Variants in NKPD1 observed in about 807,000 individuals in gnomAD.
NKPD1 encodes the protein NTPase KAP family P-loop domain containing 1.
NKPD1 carries 37 observed loss-of-function variants against 42.2 expected under a neutral mutation model. The ratio of observed to expected loss-of-function variants is 0.88; its 90% confidence interval spans 0.67 to 1.15. The LOEUF (loss-of-function observed/expected upper bound fraction) is 1.15, where lower values mean the gene tolerates loss of function less well. Among genes scored for constraint, NKPD1 ranks in the 50% most tolerant of loss-of-function variants. The pLI, the probability that NKPD1 is intolerant of heterozygous loss-of-function variation, is 0.00. For synonymous variants in NKPD1, 552 were observed against 536.5 expected (o/e 1.03, Z -0.40); for missense variants, 1,113 against 1,174.6 (o/e 0.95, Z 0.77).
upstream of NKPD1, among the ~76,000 whole-genome samples, chr19:45,161,400 C>G (rs1316592125): frequency 6.6e-6 from 1 of 152,210 alleles, no homozygotes; most frequent in Non-Finnish European, 1.5e-5. Context: ...GCCTGGCGCA[C>G]CTGACCCGGG....
At position 45,152,782 on chromosome 19, in the gene NKPD1, A is replaced by C; in HGVS notation, c.1655T>G (p.Leu552Trp). The change falls in exon 5 of 5, where the codon TTG becomes TGG. Residue 552 changes from leucine to tryptophan, a missense_variant. Physicochemically the swap from Leu to Trp is moderately conservative, Grantham distance 61. Transcript: ENST00000686631. ...HDAVQSRDDL[L>W]YREMTRKPWL... is the part of the protein sequence containing the mutation. ...CGGCTTGCGCGTCATCTCGCGGTAC[A>C]ACAGGTCGTCGCGGCTCTGCACCGC... The C allele has an allele frequency of 6.2e-7, 1 of 1,602,126 alleles. No individual in the cohort carries two copies. Among genetic ancestry groups the C allele is most frequent in the Non-Finnish European group, 8.5e-7 (1 of 1,175,338 alleles).
At chr19:45,162,482 C>T (rs1969026544), upstream of NKPD1, among the ~76,000 whole-genome samples, 3 of 152,172 alleles carry the variant, frequency 2.0e-5, no homozygotes, top group African/African-American at 7.2e-5. Flanking sequence ...CCAGGAGTCC[C>T]CAGATGCTAC....
At position 45,152,056 on chromosome 19, in the gene NKPD1, C is replaced by A. The variant is rs374022307; in HGVS notation, c.2381G>T (p.Arg794Leu). 119 of 1,608,290 alleles carry A rather than the reference C, an allele frequency of 7.4e-5. No homozygotes were observed. Among genetic ancestry groups the A allele is most frequent in the Non-Finnish European group, 9.5e-5 (112 of 1,177,992 alleles). Residue 794 changes from arginine to leucine, a missense_variant, in exon 5 of 5, where the codon CGT becomes CTT. Arg to Leu is a moderately radical substitution (Grantham distance 102, BLOSUM62 -2). Transcript: ENST00000686631. ...NSASRAPPSG[R>L]ASGQAGEGHH... ...GCCTTCGCCGGCTTGCCCTGAGGCA[C>A]GGCCCGACGGGGGCGCCCTGGAGGC... is the stretch of plus-strand genomic sequence containing the variant.
chr19:45,159,102 TGGAA>T lies in NKPD1; in HGVS notation c.92-6_92-3del, dbSNP rs915463476. On this transcript the variant is annotated splice_region_variant and splice_polypyrimidine_tract_variant and intron_variant, in intron 2 of 4. Transcript: ENST00000686631. The stretch of plus-strand genomic sequence containing the variant: ...CCTGGCGCCACTGATGACAGCATCC[TGGAA>T]GGAAGGAAGTGGGGGTGACTGGGCC... 1.2e-5 allele frequency: 15 copies of T among 1,277,054 alleles called. No individual in the cohort carries two copies. Among genetic ancestry groups the T allele is most frequent in the Middle Eastern group, 2.2e-4 (1 of 4,540 alleles). 79.1% of individuals were successfully genotyped at this position (1,277,054 alleles called of 1,614,324 possible).
chr19:45,153,383 C>T lies in NKPD1; in HGVS notation c.1054G>A (p.Gly352Ser), dbSNP rs1465022751. 4.5e-6 allele frequency: 7 copies of T among 1,559,874 alleles called. No individual in the cohort carries two copies. The African/African-American group carries it at 9.5e-5, about 21-fold the overall frequency. Residue 352 changes from glycine (G) to serine (S), a missense_variant, in exon 5 of 5, where the codon GGC becomes AGC. Gly to Ser is a moderately conservative substitution (Grantham distance 56). Around this residue, in one of 3 missense-constraint regions of NKPD1, gnomAD observed 867 missense variants for 870.1 expected, o/e 1.00. Coordinates refer to ENST00000686631, the MANE Select transcript of NKPD1 (RefSeq NM_198478.4). ...AAGTAGAGCAGCCCCACACCCAGGC[C>T]CAGCGCCGCCAGCAGCGCCAGCAGC... ...LGLLALLAAL[G>S]LGVGLLYLSL...
At chr19:45,160,365 G>T (rs918626502) in intron 1 of NKPD1, among the ~76,000 whole-genome samples, 144 bp from the exon 2 acceptor site, 1 of 152,178 alleles carries the variant, frequency 6.6e-6, no homozygotes, top group East Asian at 1.9e-4. Flanking sequence ...TACAGTGAGG[G>T]GCAGGATAAG....
chr19:45,154,828 C>T (rs981223157), intron 4 of NKPD1, among the ~76,000 whole-genome samples: 1 of 152,050 alleles, frequency 6.6e-6, no homozygotes, highest in Non-Finnish European at 1.5e-5. Context: ...AGTTCAAGAC[C>T]AGCCTGGCCA....
rs1047604047 is a variant in NKPD1, at chr19:45,152,114, C to G, written c.2323G>C (p.Asp775His). ...GCCCGGTGGGCAGCGTGGGGGGTATCGCGGGTAGGGGACTTGGGCGGGCTG... is the reference window on the plus strand; with the variant it reads ...GCCCGGTGGGCAGCGTGGGGGGTATGGCGGGTAGGGGACTTGGGCGGGCTG... ...PPSPPKSPTR[D>H]TPHAAHRANS... Residue 775 changes from aspartate (D) to histidine (H), a missense_variant, in exon 5 of 5, where the codon GAT becomes CAT. Physicochemically the swap from Asp to His is moderately conservative, Grantham distance 81. This residue lies in a region of NKPD1 where 867 missense variants were observed against 870.1 expected (regional missense o/e 1.00). Coordinates refer to ENST00000686631, the MANE Select transcript of NKPD1 (RefSeq NM_198478.4). 1 of 1,604,506 alleles carries G rather than the reference C, an allele frequency of 6.2e-7. No individual in the cohort carries two copies. The highest frequency in any genetic ancestry group is 1.1e-5 in the South Asian group (1 of 90,286).
At position 45,152,879 on chromosome 19, in the gene NKPD1, T is replaced by G; in HGVS notation, c.1558A>C (p.Asn520His). Residue 520 changes from asparagine (N) to histidine (H), a missense_variant, in exon 5 of 5, where the codon AAC becomes CAC. Physicochemically the swap from Asn to His is moderately conservative, Grantham distance 68. Coordinates refer to ENST00000686631, the MANE Select transcript of NKPD1 (RefSeq NM_198478.4). ...GAGAAGGGCAGCGTGACAGTGCGGT[T>G]GAGGAAGAGGTAGCCGTTATCGGCC... ...GTADNGYLFLNRTVTLPFSVP... is the reference protein window; with the variant it reads ...GTADNGYLFLHRTVTLPFSVP... 1 of 1,586,746 alleles carries G rather than the reference T, an allele frequency of 6.3e-7. No homozygotes were observed. The highest frequency in any genetic ancestry group is 8.6e-7 in the Non-Finnish European group (1 of 1,163,634).
In NKPD1 at chr19:45,152,133, C is replaced by T. The variant is rs576526130; in HGVS notation, c.2304G>A (p.Pro768=). Residue 768 remains proline, a synonymous_variant, in exon 5 of 5, where the codon CCG becomes CCA. Transcript: ENST00000686631. ...GGGTATCGCGGGTAGGGGACTTGGG[C>T]GGGCTGGGCGGCTTGAGCGCGCTGA... The part of the protein sequence containing the change: ...RAVSALKPPS[P]PKSPTRDTPH... 2.8e-5 allele frequency: 45 copies of T among 1,601,048 alleles called. No homozygotes were observed. The East Asian group carries it at 9.4e-4, about 34-fold the overall frequency.
intron 4 of NKPD1, 134 bp downstream of exon 4, chr19:45,155,651 A>C (rs1215444864): frequency 1.2e-6 from 1 of 849,672 alleles, no homozygotes; most frequent in African/African-American, 1.9e-5. Context: ...GGGTAGAGGC[A>C]TGGGCTTGGG....
intron 3 of NKPD1, among the ~76,000 whole-genome samples, chr19:45,157,196 T>C (rs2122792887): frequency 6.6e-6 from 1 of 152,328 alleles, no homozygotes; most frequent in Non-Finnish European, 1.5e-5. Flanking sequence ...CCCATTCTCC[T>C]GGAGATCCTG....
At position 45,152,431 on chromosome 19, in the gene NKPD1, C is replaced by T; in HGVS notation, c.2006G>A (p.Trp669Ter). ...CCGGTCCTCCAGGCACTGCAGCGCCCAGCTCAGGCGGCACGGCCACTGGTT... is the reference window on the plus strand; with the variant it reads ...CCGGTCCTCCAGGCACTGCAGCGCCTAGCTCAGGCGGCACGGCCACTGGTT... ...LANQWPCRLS[W>*]ALQCLEDRQQ... The change falls in exon 5 of 5, where the codon TGG (tryptophan) becomes TAG (stop). Residue 669 changes from tryptophan (W) to a stop codon, truncating the protein, a stop_gained. Coordinates refer to ENST00000686631, the MANE Select transcript of NKPD1 (RefSeq NM_198478.4). LOFTEE classifies it low-confidence loss of function (END_TRUNC). 1 of 1,564,990 alleles carries T rather than the reference C, an allele frequency of 6.4e-7. No individual in the cohort carries two copies. The highest frequency in any genetic ancestry group is 8.6e-7 in the Non-Finnish European group (1 of 1,158,314).
At chr19:45,161,824 G>A (rs957714789), upstream of NKPD1, among the ~76,000 whole-genome samples, 1 of 152,222 alleles carries the variant, frequency 6.6e-6, no homozygotes, top group Admixed American at 6.5e-5. Context: ...GGGGTCAACA[G>A]TTGCTTCCCT....
At position 45,151,685 on chromosome 19, in the gene NKPD1, C is replaced by G; in HGVS notation, c.*253G>C. ...AGGATGCGGAGAGCAACTCCGGGCTCTCAACACCTCCATTTATTGCATGTA... is the reference window on the plus strand; with the variant it reads ...AGGATGCGGAGAGCAACTCCGGGCTGTCAACACCTCCATTTATTGCATGTA... On this transcript the variant is annotated 3_prime_UTR_variant, in exon 5 of 5. Coordinates refer to ENST00000686631, the MANE Select transcript of NKPD1 (RefSeq NM_198478.4). The G allele has an allele frequency of 4.4e-6, 2 of 454,240 alleles. No individual in the cohort carries two copies. The highest frequency in any genetic ancestry group is 7.7e-6 in the Non-Finnish European group (2 of 259,124). The allele number at this position is 454,240 out of a possible 1,614,324, so 28.1% of individuals were successfully genotyped here. A position where few individuals can be genotyped will look rare whatever the true frequency, so the allele number is the denominator to read the frequency against.
Position 45,153,774 on chromosome 19 carries a change from C to T in NKPD1, c.663G>A (p.Ala221=), listed in dbSNP as rs1441101752. ...GCTGCGCGGCCTCCTGCTGCATCAG[C>T]GCTGCGGGAAGGGAGCCCGGGAGCC... ...RLHMMLDKIT[A]LMQQEAAQRE... Residue 221 remains alanine (A), a splice_region_variant and synonymous_variant, in exon 5 of 5, where the codon GCG becomes GCA. Coordinates refer to ENST00000686631, the MANE Select transcript of NKPD1 (RefSeq NM_198478.4). 6.8e-7 allele frequency: 1 copy of T among 1,465,462 alleles called. No individual in the cohort carries two copies. Among genetic ancestry groups the T allele is most frequent in the Non-Finnish European group, 9.0e-7 (1 of 1,105,742 alleles). The allele number at this position is 1,465,462 out of a possible 1,614,324, so 90.8% of individuals were successfully genotyped here.
chr19:45,154,286 G>A (rs1005827420), intron 4 of NKPD1, among the ~76,000 whole-genome samples: 1 of 152,282 alleles, frequency 6.6e-6, no homozygotes, highest in South Asian at 2.1e-4. Context: ...TGATCCCCAG[G>A]CTGGGTCGGG....
Position 45,152,304 on chromosome 19 carries a change from CA to C in NKPD1, c.2132del (p.Val711GlyfsTer165). ...LHTMTKALQNVLDLDGDPELF... is the reference protein window; with the variant it reads ...LHTMTKALQNXLDLDGDPELF... The stretch of plus-strand genomic sequence containing the variant: ...GCTCGGGGTCGCCGTCCAGGTCGAG[CA>C]CGTTCTGCAACGCCTTGGTCATGGT... On this transcript the variant is annotated frameshift_variant, in exon 5 of 5. Transcript: ENST00000686631. LOFTEE classifies it low-confidence loss of function (END_TRUNC). The C allele has an allele frequency of 1.2e-6, 2 of 1,610,818 alleles. No homozygotes were observed. The highest frequency in any genetic ancestry group is 1.7e-6 in the Non-Finnish European group (2 of 1,179,020).
At position 45,151,982 on chromosome 19, in the gene NKPD1, AGGCCACC is replaced by A; in HGVS notation, c.2448_2454del (p.Ala818ArgfsTer56). 1 of 1,601,886 alleles carries A rather than the reference AGGCCACC, an allele frequency of 6.2e-7. No individual in the cohort carries two copies. Among genetic ancestry groups the A allele is most frequent in the Non-Finnish European group, 8.5e-7 (1 of 1,172,432 alleles). On this transcript the variant is annotated frameshift_variant, in exon 5 of 5. Coordinates refer to ENST00000686631, the MANE Select transcript of NKPD1 (RefSeq NM_198478.4). LOFTEE classifies it low-confidence loss of function (END_TRUNC). ...GATTGCCCTGGACGGAAGAGCGCACAGGCCACCGGCCATAGCTTGCCCCTGTGGGCCA... is the reference window on the plus strand; with the variant it reads ...GATTGCCCTGGACGGAAGAGCGCACAGGCCATAGCTTGCCCCTGTGGGCCA...
Sources: gnomAD v4.1 joint callset for allele counts (sites outside exome capture counted in the v4.1 genomes callset) on GRCh38, gnomAD v4.1.1 for gene constraint, gnomAD v4.1.1 regional missense constraint, MANE v1.5 for transcripts, NCBI Gene and HGNC (gene_info 2026-07-23, HGNC 2026-07-21) for gene names.